The following BCAS3 variants were observed in gnomAD, a reference collection of about 807,000 sequenced individuals.
BCAS3 encodes BCAS4/BCAS3 fusion.
A neutral mutation model predicts 116.1 loss-of-function variants in BCAS3; 53 were observed. The ratio of observed to expected loss-of-function variants is 0.46; its 90% CI spans 0.37 to 0.57. The LOEUF is 0.57. BCAS3 is among the 20% of genes least tolerant of loss of function. BCAS3 has a pLI of 0.00. For synonymous variants in BCAS3, 391 were observed against 408.2 expected (o/e 0.96, Z 0.51); for missense variants, 917 against 1,165.4 (o/e 0.79, Z 3.10).
chr17:60,833,374 T>C (rs2051106808), intron 7 of BCAS3, among the ~76,000 whole-genome samples: 1 of 152,190 alleles, frequency 6.6e-6, no homozygotes, highest in Non-Finnish European at 1.5e-5. Flanking sequence ...GTCTTTTAGT[T>C]GGATGTCCTA....
At position 61,164,389 on chromosome 17, in the gene BCAS3, A is replaced by G. The variant is rs563214255; in HGVS notation, c.2425+79825A>G. Reference sequence around the variant, plus strand: ...TGATTAGGTCTGGGCATGGTAGTTCACACCTGTAATGCCAGCAACACTTTG... The same window carrying G: ...TGATTAGGTCTGGGCATGGTAGTTCGCACCTGTAATGCCAGCAACACTTTG... On this transcript the variant is annotated intron_variant, in intron 22 of 23. Coordinates refer to ENST00000407086, the MANE Select transcript of BCAS3 (RefSeq NM_017679.5). Among the ~76,000 whole-genome samples the G allele has an allele frequency of 3.0e-4, 46 of 152,208 alleles. 1 individual carries two copies. Among genetic ancestry groups the G allele is most frequent in the East Asian group, 2.1e-3 (11 of 5,170 alleles).
chr17:61,255,602 C>G (rs2048719127), intron 22 of BCAS3, among the ~76,000 whole-genome samples: 1 of 152,218 alleles, frequency 6.6e-6, no homozygotes, highest in Non-Finnish European at 1.5e-5. Flanking sequence ...TCAGAGTAGA[C>G]TTGGCTTTGT....
At position 60,951,959 on chromosome 17, in the gene BCAS3, A is replaced by G. The variant is rs571492573; in HGVS notation, c.1221+4607A>G. Among the ~76,000 whole-genome samples the G allele has an allele frequency of 4.6e-5, 7 of 151,896 alleles. No homozygotes were observed. The South Asian group carries it at 1.5e-3, about 32-fold the overall frequency. On this transcript the variant is annotated intron_variant, in intron 14 of 23. Transcript: ENST00000407086. ...GCTAATTTTTGTATTTTTAGTAGAG[A>G]CAGGGTTTCACCATGTTGGCCAGGC...
intron 5 of BCAS3, among the ~76,000 whole-genome samples, chr17:60,732,346 C>T (rs530987536): frequency 6.6e-6 from 1 of 151,992 alleles, no homozygotes; most frequent in Non-Finnish European, 1.5e-5. Flanking sequence ...ATTTTTAGAT[C>T]GCTGGTAGCA....
chr17:60,936,308 A>G (rs9303434), intron 13 of BCAS3, among the ~76,000 whole-genome samples: 21,369 of 135,342 alleles, frequency 0.16, 2,282 homozygotes, highest in African/African-American at 0.3. Context: ...GAATAGTGCC[A>G]TAATAAACAT....
rs1355075350 is a variant in BCAS3, at chr17:61,364,135, C to T, written c.2426-4192C>T. On this transcript the variant is annotated intron_variant, in intron 22 of 23. Coordinates refer to ENST00000407086, the MANE Select transcript of BCAS3 (RefSeq NM_017679.5). This position sits in a 1 kb window ranked among gnomAD's most constrained non-coding sequence, Gnocchi z 5.4. ...ACCACTGATTGTATCCTCTCTATGA[C>T]GTCTCAGGACGGTAGAAATGATCAG... Among the ~76,000 whole-genome samples, 3 of 152,248 alleles carry T rather than the reference C, an allele frequency of 2.0e-5. No homozygotes were observed. Among genetic ancestry groups the T allele is most frequent in the Non-Finnish European group, 4.4e-5 (3 of 68,050 alleles).
rs553265121 is a variant in BCAS3, at chr17:61,139,707, A to C, written c.2425+55143A>C. ...ATGATGTAGGGAATATAAAAAATGA[A>C]GAAGGCATGCTCCCTGGCCCCCAGA... On this transcript the variant is annotated intron_variant, in intron 22 of 23. Coordinates refer to ENST00000407086, the MANE Select transcript of BCAS3 (RefSeq NM_017679.5). The surrounding 1 kb of genome is among the most constrained non-coding windows in gnomAD (Gnocchi z 4.7). Among the ~76,000 whole-genome samples the C allele has an allele frequency of 6.6e-6, 1 of 152,218 alleles. No individual in the cohort carries two copies. Among genetic ancestry groups the C allele is most frequent in the Non-Finnish European group, 1.5e-5 (1 of 68,038 alleles).
At chr17:61,086,415 G>A (rs2073098319) in intron 22 of BCAS3, among the ~76,000 whole-genome samples, 1 of 152,172 alleles carries the variant, frequency 6.6e-6, no homozygotes, top group Non-Finnish European at 1.5e-5. Flanking sequence ...TTATCATGTA[G>A]CAATCTTAGC....
intron 23 of BCAS3, among the ~76,000 whole-genome samples, chr17:61,385,523 C>T (rs1489792208): frequency 6.6e-6 from 1 of 152,260 alleles, no homozygotes; most frequent in African/African-American, 2.4e-5. Context: ...TGCCCGACCT[C>T]CTAATGAGAG....
chr17:61,299,569 G>A (rs1007537859), intron 22 of BCAS3, among the ~76,000 whole-genome samples: 2 of 151,906 alleles, frequency 1.3e-5, no homozygotes, highest in Non-Finnish European at 2.9e-5. Flanking sequence ...AGGGTTTGGC[G>A]TTCATTGCCC....
rs1273956885 is a variant in BCAS3 at position 61,348,103 on chromosome 17, A to G, written c.2426-20224A>G. Among the ~76,000 whole-genome samples the G allele has an allele frequency of 2.0e-5, 3 of 152,246 alleles. No homozygotes were observed. Among genetic ancestry groups the G allele is most frequent in the Non-Finnish European group, 2.9e-5 (2 of 68,050 alleles). ...TTTAAAGATTGCTAGAATAATCCCAATGAGAACTGGTAAGAGCCTAAGCCC... is the reference window on the plus strand; with the variant it reads ...TTTAAAGATTGCTAGAATAATCCCAGTGAGAACTGGTAAGAGCCTAAGCCC... On this transcript the variant is annotated intron_variant, in intron 22 of 23. Transcript: ENST00000407086. This position sits in a 1 kb window ranked among gnomAD's most constrained non-coding sequence, Gnocchi z 4.5.
intron 19 of BCAS3, among the ~76,000 whole-genome samples, chr17:61,050,883 A>C (rs1438310937): frequency 6.6e-6 from 1 of 152,010 alleles, no homozygotes; most frequent in African/African-American, 2.4e-5. Flanking sequence ...CTCGGCTCTA[A>C]AACAAATCCC....
intron 14 of BCAS3, among the ~76,000 whole-genome samples, chr17:60,977,098 C>T (rs538001382): frequency 2.5e-4 from 38 of 152,066 alleles, no homozygotes; most frequent in Admixed American, 1.6e-3. Context: ...GGTGGCTGGC[C>T]GGGCGGGGGC....
chr17:60,796,862 C>G (rs1219809662), intron 6 of BCAS3, among the ~76,000 whole-genome samples: 1 of 152,082 alleles, frequency 6.6e-6, no homozygotes, highest in Non-Finnish European at 1.5e-5. Flanking sequence ...TGTGAACTTT[C>G]CTCTTAGCAC....
intron 10 of BCAS3, among the ~76,000 whole-genome samples, chr17:60,899,715 C>T (rs767970893): frequency 6.6e-5 from 10 of 152,050 alleles, no homozygotes; most frequent in Admixed American, 3.9e-4. Flanking sequence ...CCAAGCTGGT[C>T]TCTAACTCCT....
chr17:60,806,669 C>T (rs1236072218), intron 6 of BCAS3, among the ~76,000 whole-genome samples: 10 of 151,830 alleles, frequency 6.6e-5, no homozygotes, highest in Admixed American at 3.3e-4. Flanking sequence ...CCTCCTACTT[C>T]AGCCTCCTGA....
chr17:61,241,915 A>C lies in BCAS3; in HGVS notation c.2426-126412A>C, dbSNP rs535860208. Among the ~76,000 whole-genome samples, 1 of 152,278 alleles carries C rather than the reference A, an allele frequency of 6.6e-6. No individual in the cohort carries two copies. The highest frequency in any genetic ancestry group is 6.5e-5 in the Admixed American group (1 of 15,294). On this transcript the variant is annotated intron_variant, in intron 22 of 23. Coordinates refer to ENST00000407086, the MANE Select transcript of BCAS3 (RefSeq NM_017679.5). The surrounding 1 kb of genome is among the most constrained non-coding windows in gnomAD (Gnocchi z 4.6). ...TTTCTTGTTTGTTTGTTGTTTACTA[A>C]AGAGGAATCATTTCTCAGTGTTAAG...
intron 5 of BCAS3, among the ~76,000 whole-genome samples, chr17:60,722,254 G>A (rs763253454): frequency 1.5e-4 from 23 of 152,268 alleles, no homozygotes; most frequent in Non-Finnish European, 2.4e-4. Flanking sequence ...TGACCTAGGC[G>A]TAGATTTATT....
Position 61,199,214 on chromosome 17 carries a change from G to A in BCAS3, c.2425+114650G>A, listed in dbSNP as rs192891508. Among the ~76,000 whole-genome samples the A allele has an allele frequency of 1.3e-5, 2 of 152,234 alleles. No homozygotes were observed. Among genetic ancestry groups the A allele is most frequent in the Admixed American group, 1.3e-4 (2 of 15,282 alleles). ...CTATTTCTTCTCCCTCTTTTTAGCT[G>A]TCTACTGTATACCATGTAGAACCAC... On this transcript the variant is annotated intron_variant, in intron 22 of 23. Coordinates refer to ENST00000407086, the MANE Select transcript of BCAS3 (RefSeq NM_017679.5). The surrounding 1 kb of genome is among the most constrained non-coding windows in gnomAD (Gnocchi z 4.6).
Sources: gnomAD v4.1 joint callset for allele counts (sites outside exome capture counted in the v4.1 genomes callset) on GRCh38, gnomAD v4.1.1 for gene constraint, Gnocchi (gnomAD v3.1) non-coding constraint, MANE v1.5 for transcripts, NCBI Gene and HGNC (gene_info 2026-07-23, HGNC 2026-07-21) for gene names.